PDE7A: variants seen among roughly 807,000 people sequenced by gnomAD.
The protein encoded by PDE7A is phosphodiesterase 7A.
In PDE7A, 39 loss-of-function variants were observed where a neutral mutation model predicts 64.3. That is an observed-to-expected ratio of 0.61 (90% CI 0.47 to 0.79). The LOEUF (loss-of-function observed/expected upper bound fraction) is 0.79, where lower values mean the gene tolerates loss of function less well. Ranked by LOEUF, PDE7A falls within the 30% of genes least tolerant of loss-of-function variation. PDE7A has a pLI of 0.00. For missense variants in PDE7A, 470 were observed against 582.8 expected, an observed-to-expected ratio of 0.81 and a Z score of 1.99; for synonymous variants, 203 against 206.8, an observed-to-expected ratio of 0.98 and a Z score of 0.16.
Position 65,745,260 on chromosome 8 carries a change from A to G in PDE7A, c.499+147T>C, listed in dbSNP as rs1481000297. The G allele has an allele frequency of 6.3e-6, 4 of 639,152 alleles. No homozygotes were observed. In the East Asian group the frequency reaches 8.7e-5, roughly 14 times the overall value. The allele number at this position is 639,152 out of a possible 1,614,324, so 39.6% of individuals were successfully genotyped here. On this transcript the variant is annotated intron_variant, in intron 5 of 12. Coordinates refer to ENST00000401827, the MANE Select transcript of PDE7A (RefSeq NM_001242318.3). ...ACCCAGTCTCGGGTATGTCTTTATC[A>G]GCAGTGTGAAAATGGACTAATACAC... is the stretch of plus-strand genomic sequence containing the variant.
intron 1 of PDE7A, among the ~76,000 whole-genome samples, chr8:65,841,029 G>A (rs1811071749): frequency 6.6e-6 from 1 of 152,214 alleles, no homozygotes; most frequent in Non-Finnish European, 1.5e-5. Flanking sequence ...GGTGTACCCT[G>A]GGGCCACGAC....
intron 10 of PDE7A, 145 bp from the exon 11 acceptor site, chr8:65,724,496 T>C: frequency 1.6e-6 from 1 of 612,798 alleles, no homozygotes; most frequent in Non-Finnish European, 2.8e-6. Context: ...TGTAAGAATT[T>C]ATGAGAATAA....
intron 3 of PDE7A, among the ~76,000 whole-genome samples, chr8:65,768,360 T>C (rs1202932216): frequency 2.6e-5 from 4 of 152,146 alleles, no homozygotes; most frequent in African/African-American, 7.2e-5. Context: ...GGGAGGGACC[T>C]GGTAGGAGGT....
chr8:65,821,595 A>AC (rs35324818), intron 1 of PDE7A, among the ~76,000 whole-genome samples: 2 of 152,206 alleles, frequency 1.3e-5, no homozygotes, highest in African/African-American at 4.8e-5. Context: ...TAGAAGTGGT[A>AC]CCCCGACTCC....
At chr8:65,777,058 T>TA (rs1170491307) in intron 3 of PDE7A, among the ~76,000 whole-genome samples, 1 of 150,190 alleles carries the variant, frequency 6.7e-6, no homozygotes, top group African/African-American at 2.5e-5. Flanking sequence ...AAAGAACAAA[T>TA]ACTCAATTTT....
chr8:65,733,862 T>C (rs867153031), intron 7 of PDE7A, among the ~76,000 whole-genome samples: 13 of 152,170 alleles, frequency 8.5e-5, no homozygotes, highest in Admixed American at 8.5e-4. Flanking sequence ...TCATCCTGTT[T>C]CCCGCCTAAC....
Position 65,715,489 on chromosome 8 carries a change from C to T in PDE7A, c.*3801G>A, listed in dbSNP as rs903054339. Among the ~76,000 whole-genome samples, 5 of 151,346 alleles carry T rather than the reference C, an allele frequency of 3.3e-5. No individual in the cohort carries two copies. The highest frequency in any genetic ancestry group is 9.7e-5 in the African/African-American group (4 of 41,254). On this transcript the variant is annotated 3_prime_UTR_variant, in exon 13 of 13. Transcript: ENST00000401827. The stretch of plus-strand genomic sequence containing the variant: ...GCCACCTGGGTTCAAGCAATTCTTC[C>T]GCCTCAGCCTCCCGAGTAGCTGGGA...
Position 65,719,491 on chromosome 8 carries a change from A to G in PDE7A, c.1248T>C (p.Phe416=). Residue 416 remains phenylalanine, a synonymous_variant, in exon 13 of 13, where the codon TTT becomes TTC. Transcript: ENST00000401827. ...TESIANIQIG[F]MTYLVEPLFT... ...ATAAAGGCTCCACTAGGTAAGTCAT[A>G]AAACCTTGAGAAAATAGGAGAAAAA... is the stretch of plus-strand genomic sequence containing the variant. 6.2e-7 allele frequency: 1 copy of G among 1,607,842 alleles called. No homozygotes were observed. The highest frequency in any genetic ancestry group is 1.7e-4 in the Middle Eastern group (1 of 6,054).
intron 3 of PDE7A, among the ~76,000 whole-genome samples, chr8:65,755,600 A>G (rs561122037): frequency 1.3e-5 from 2 of 152,368 alleles, no homozygotes; most frequent in South Asian, 2.1e-4. Context: ...TACCACAGAC[A>G]TAATTATTGT....
At chr8:65,821,173 A>G (rs1033569696) in intron 1 of PDE7A, among the ~76,000 whole-genome samples, 2 of 152,110 alleles carry the variant, frequency 1.3e-5, no homozygotes, top group African/African-American at 4.8e-5. Context: ...TAAAAAAACA[A>G]AACAAAACAA....
intron 3 of PDE7A, among the ~76,000 whole-genome samples, chr8:65,752,220 T>G (rs1428503670): frequency 6.6e-6 from 1 of 152,218 alleles, no homozygotes; most frequent in Non-Finnish European, 1.5e-5. Context: ...CCTTTCACTC[T>G]TATCTCTACT....
In PDE7A at chr8:65,841,476, G is replaced by A. The variant is rs761660077; in HGVS notation, c.33C>T (p.Pro11=). The A allele has an allele frequency of 6.4e-7, 1 of 1,552,476 alleles. No homozygotes were observed. The highest frequency in any genetic ancestry group is 8.7e-7 in the Non-Finnish European group (1 of 1,155,692). The part of the protein sequence containing the change: MEVCYQLPVL[P]LDRPVPQHVL... ...CGTGCTGGGGGACCGGCCTGTCCAG[G>A]GGCAGTACCGGCAGCTGGTAACACA... The change falls in exon 1 of 13, where the codon CCC becomes CCT. Residue 11 remains proline, a synonymous_variant. Transcript: ENST00000401827.
In PDE7A at chr8:65,841,967, G is replaced by GCCA; in HGVS notation, c.-460_-459insTGG. On this transcript the variant is annotated 5_prime_UTR_variant, in exon 1 of 13. Transcript: ENST00000401827. The stretch of plus-strand genomic sequence containing the variant: ...TCAGGAGCAGCGACCAGCTCGGGCC[G>GCCA]CCGCCGCCGCCGCCGCCGCCGCCGC... The GCCA allele has an allele frequency of 5.0e-6, 1 of 201,032 alleles. No homozygotes were observed. Among genetic ancestry groups the GCCA allele is most frequent in the Non-Finnish European group, 8.7e-6 (1 of 115,212 alleles). 12.5% of individuals were successfully genotyped at this position (201,032 alleles called of 1,614,324 possible). A position where few individuals can be genotyped will look rare whatever the true frequency, so the allele number is the denominator to read the frequency against.
chr8:65,828,269 T>C (rs1810728571), intron 1 of PDE7A, among the ~76,000 whole-genome samples: 1 of 152,134 alleles, frequency 6.6e-6, no homozygotes, highest in African/African-American at 2.4e-5. Context: ...TTTTCACACA[T>C]TGATATATAA....
chr8:65,757,697 CAA>C (rs748822504), intron 3 of PDE7A, among the ~76,000 whole-genome samples: 4 of 152,220 alleles, frequency 2.6e-5, no homozygotes, highest in Non-Finnish European at 5.9e-5. Context: ...GGGCTCACTG[CAA>C]CCTCTGCTTC....
intron 3 of PDE7A, among the ~76,000 whole-genome samples, chr8:65,767,021 A>G (rs572272541): frequency 5.9e-5 from 9 of 152,124 alleles, no homozygotes; most frequent in Non-Finnish European, 1.0e-4. Flanking sequence ...AACAACAACA[A>G]CAACAACAAC....
intron 3 of PDE7A, among the ~76,000 whole-genome samples, chr8:65,774,708 A>C (rs1348347142): frequency 1.3e-5 from 2 of 151,922 alleles, no homozygotes; most frequent in East Asian, 3.9e-4. Context: ...ATATTGTTTA[A>C]ATTTATTTAA....
intron 1 of PDE7A, among the ~76,000 whole-genome samples, chr8:65,829,647 G>A (rs982170819): frequency 2.0e-5 from 3 of 152,036 alleles, no homozygotes; most frequent in Non-Finnish European, 4.4e-5. Flanking sequence ...TGTGATCTGG[G>A]ACAAATCACT....
At chr8:65,736,555 C>A (rs562296394) in intron 6 of PDE7A, among the ~76,000 whole-genome samples, 1 of 152,070 alleles carries the variant, frequency 6.6e-6, no homozygotes, top group East Asian at 1.9e-4. Flanking sequence ...GAGTTTGAGA[C>A]CAGCCTAGGC....
Sources: gnomAD v4.1 joint callset for allele counts (sites outside exome capture counted in the v4.1 genomes callset) on GRCh38, gnomAD v4.1.1 for gene constraint, MANE v1.5 for transcripts, NCBI Gene and HGNC (gene_info 2026-07-23, HGNC 2026-07-21) for gene names.